Variants in ITFG1 observed in about 807,000 individuals in gnomAD.
ITFG1 encodes the protein T-cell immunomodulatory protein.
ITFG1 carries 34 observed loss-of-function variants against 81.8 expected under a neutral mutation model. The observed-to-expected ratio is 0.42, with a 90% CI of 0.32 to 0.55. The LOEUF (loss-of-function observed/expected upper bound fraction) is 0.55. Among genes scored for constraint, ITFG1 ranks in the 20% least tolerant of loss-of-function variants. The pLI is 0.17. For missense variants in ITFG1, 672 were observed against 755.4 expected (o/e 0.89, Z 1.29); for synonymous variants, 285 against 270.6 (o/e 1.05, Z -0.52).
intron 10 of ITFG1, 55 bp from the exon 11 acceptor site, chr16:47,260,750 G>C (rs576075870): frequency 1.3e-6 from 2 of 1,552,822 alleles, no homozygotes; most frequent in Non-Finnish European, 8.9e-7. Context: ...CTGTGGCATC[G>C]GCTCTGTAGT....
intron 14 of ITFG1, among the ~76,000 whole-genome samples, chr16:47,166,686 T>C (rs893814708): frequency 1.2e-4 from 19 of 152,220 alleles, no homozygotes; most frequent in African/African-American, 4.3e-4. Context: ...GCCTATATCT[T>C]ATTTAAAAAT....
chr16:47,430,023 T>C (rs952560139), intron 5 of ITFG1, among the ~76,000 whole-genome samples: 2 of 151,396 alleles, frequency 1.3e-5, no homozygotes, highest in African/African-American at 4.9e-5. Flanking sequence ...GTATATGACT[T>C]GTCTCCTAGG....
chr16:47,254,573 T>C lies in ITFG1; in HGVS notation c.1330+4059A>G, dbSNP rs538520513. ...TGCTAGTCAGCAAAACTCACAAGTA[T>C]AGACAGTTCAATCACATTCTATTTT... On this transcript the variant is annotated intron_variant, in intron 12 of 17. Transcript: ENST00000320640. Among the ~76,000 whole-genome samples the C allele has an allele frequency of 3.3e-5, 5 of 152,310 alleles. No individual in the cohort carries two copies. In the South Asian group the frequency reaches 8.3e-4, roughly 25 times the overall value.
At chr16:47,196,810 A>T (rs889300226) in intron 14 of ITFG1, 9 of 152,048 alleles carry the variant, frequency 5.9e-5, no homozygotes, top group Admixed American at 3.3e-4. Flanking sequence ...ACAAAAATTA[A>T]TCCCAGCTAC....
At chr16:47,383,090 T>G (rs1968415664) in intron 6 of ITFG1, among the ~76,000 whole-genome samples, 1 of 152,172 alleles carries the variant, frequency 6.6e-6, no homozygotes, top group African/African-American at 2.4e-5. Flanking sequence ...GATTTAATAT[T>G]TTCAATATTG....
chr16:47,424,000 C>T (rs1399292258), intron 6 of ITFG1, among the ~76,000 whole-genome samples: 12 of 152,216 alleles, frequency 7.9e-5, no homozygotes, highest in Admixed American at 7.9e-4. Context: ...GGAAGTTCTC[C>T]TGGATAATAT....
intron 8 of ITFG1, among the ~76,000 whole-genome samples, chr16:47,332,529 TTTTAA>T (rs1326358528): frequency 1.3e-5 from 2 of 152,256 alleles, no homozygotes; most frequent in South Asian, 4.1e-4. Flanking sequence ...TGATCAATCC[TTTTAA>T]TTTAAATAAT....
At chr16:47,205,246 C>G (rs1304103555) in intron 14 of ITFG1, among the ~76,000 whole-genome samples, 1 of 152,178 alleles carries the variant, frequency 6.6e-6, no homozygotes, top group Non-Finnish European at 1.5e-5. Flanking sequence ...GGGAGCTGTT[C>G]TATCTGTTAT....
chr16:47,375,224 C>A (rs1596940977), intron 7 of ITFG1, among the ~76,000 whole-genome samples: 2 of 152,286 alleles, frequency 1.3e-5, no homozygotes, highest in Non-Finnish European at 2.9e-5. Flanking sequence ...GCCAATACTT[C>A]ACGAATGTCA....
intron 14 of ITFG1, among the ~76,000 whole-genome samples, chr16:47,168,556 T>G (rs1020925788): frequency 4.0e-5 from 6 of 149,298 alleles, no homozygotes; most frequent in African/African-American, 1.2e-4. Context: ...TTTTTTTTTT[T>G]TTTTTTTTTT....
intron 5 of ITFG1, among the ~76,000 whole-genome samples, chr16:47,434,743 G>A (rs146099792): frequency 0.014 from 2,133 of 152,176 alleles, 49 homozygotes; most frequent in African/African-American, 0.048. Context: ...CACTATGCAC[G>A]ATAGCAACGA....
At chr16:47,198,693 T>C (rs768261880) in intron 14 of ITFG1, among the ~76,000 whole-genome samples, 12 of 152,164 alleles carry the variant, frequency 7.9e-5, no homozygotes, top group Non-Finnish European at 1.6e-4. Flanking sequence ...CCCTGAAGAC[T>C]TTCTAGTGGA....
In ITFG1 at chr16:47,218,945, G is replaced by T; in HGVS notation, c.1376C>A (p.Pro459His). ...CSNDCPRKIT[P>H]FGVNQPGPYI... is the part of the protein sequence containing the mutation. ...AGGTCCAGGTTGATTCACTCCAAAG[G>T]GCTGCAATAGAAAAAAAAAATAGTT... Residue 459 changes from proline to histidine, a missense_variant and splice_region_variant, in exon 14 of 18, where the codon CCC becomes CAC. By Grantham distance (77) the Pro-to-His change is moderately conservative. Around this residue, in one of 3 missense-constraint regions of ITFG1, gnomAD observed 560 missense variants for 625.7 expected, o/e 0.90. Transcript: ENST00000320640. 2 of 1,573,356 alleles carry T rather than the reference G, an allele frequency of 1.3e-6. No individual in the cohort carries two copies. Among genetic ancestry groups the T allele is most frequent in the Non-Finnish European group, 1.7e-6 (2 of 1,160,340 alleles).
In ITFG1 at chr16:47,194,883, C is replaced by T. The variant is rs559388423; in HGVS notation, c.1453+23985G>A. 1.2e-4 allele frequency among the ~76,000 whole-genome samples: 18 copies of T among 151,932 alleles called. No individual in the cohort carries two copies. In the South Asian group the frequency reaches 2.3e-3, roughly 19 times the overall value. On this transcript the variant is annotated intron_variant, in intron 14 of 17. Coordinates refer to ENST00000320640, the MANE Select transcript of ITFG1 (RefSeq NM_030790.5). ...CTAATGCTCTCCCTCCCCTTGCCCC[C>T]GACTCCCCTCAATAAATTTTTGAAT...
At chr16:47,445,247 G>GAAAAA (rs907756228) in intron 5 of ITFG1, among the ~76,000 whole-genome samples, 1 of 30,810 alleles carries the variant, frequency 3.2e-5, no homozygotes, top group African/African-American at 1.1e-4. Context: ...CTCCGTCTCA[G>GAAAAA]AAAAAAAAAA....
At chr16:47,166,595 G>A (rs185343308) in intron 14 of ITFG1, among the ~76,000 whole-genome samples, 182 of 152,204 alleles carry the variant, frequency 1.2e-3, no homozygotes, top group Non-Finnish European at 1.9e-3. Context: ...CAGCGTAAAA[G>A]ACATGTATTA....
At chr16:47,334,169 C>T (rs1165968004) in intron 8 of ITFG1, among the ~76,000 whole-genome samples, 1 of 152,146 alleles carries the variant, frequency 6.6e-6, no homozygotes, top group Non-Finnish European at 1.5e-5. Flanking sequence ...ATATTTTAGG[C>T]TGGGTGCAGC....
At chr16:47,288,365 T>C (rs772059079) in intron 10 of ITFG1, among the ~76,000 whole-genome samples, 1 of 152,226 alleles carries the variant, frequency 6.6e-6, no homozygotes, top group Non-Finnish European at 1.5e-5. Flanking sequence ...TTAGGTTCAT[T>C]TAATATCTTG....
chr16:47,388,269 CAAAG>C (rs1217165967), intron 6 of ITFG1, among the ~76,000 whole-genome samples: 7 of 151,868 alleles, frequency 4.6e-5, no homozygotes, highest in Admixed American at 4.6e-4. Flanking sequence ...AGAGAGAAGA[CAAAG>C]AAAAATTTGA....
Sources: allele counts gnomAD v4.1 joint callset (sites outside exome capture counted in the v4.1 genomes callset), GRCh38; gene constraint gnomAD v4.1.1; regional missense constraint gnomAD v4.1.1; transcripts MANE v1.5; gene names NCBI Gene and HGNC (gene_info 2026-07-23, HGNC 2026-07-21).